ANKS1B: variants seen among roughly 807,000 people sequenced by gnomAD.
ANKS1B encodes the protein ankyrin repeat and sterile alpha motif domain-containing protein 1B.
ANKS1B carries 36 observed loss-of-function variants against 148.3 expected under a neutral mutation model. The ratio of observed to expected loss-of-function variants is 0.24; its 90% CI spans 0.19 to 0.32. ANKS1B has a LOEUF of 0.32. Among genes scored for constraint, ANKS1B ranks in the 10% least tolerant of loss-of-function variants. ANKS1B has a pLI of 1.00. For missense variants in ANKS1B, 1,157 were observed against 1,542.6 expected (o/e 0.75, Z 4.19); for synonymous variants, 542 against 560.8 (o/e 0.97, Z 0.47).
chr12:98,737,024 C>G (rs932351415), intron 9 of ANKS1B, among the ~76,000 whole-genome samples: 1 of 152,170 alleles, frequency 6.6e-6, no homozygotes, highest in Non-Finnish European at 1.5e-5. Context: ...ATCCGTTCCT[C>G]CCTCCAGATT....
intron 12 of ANKS1B, among the ~76,000 whole-genome samples, chr12:99,252,636 C>G (rs2074753980): frequency 6.6e-6 from 1 of 152,112 alleles, no homozygotes; most frequent in Non-Finnish European, 1.5e-5. Flanking sequence ...TTCAATGGCA[C>G]CTACAAGCCA....
chr12:99,526,156 A>T (rs961298856), intron 9 of ANKS1B, among the ~76,000 whole-genome samples: 22 of 152,198 alleles, frequency 1.4e-4, no homozygotes, highest in African/African-American at 5.3e-4. Context: ...AGTGTTAGTG[A>T]GGGTTTGAAA....
chr12:99,354,529 A>C (rs1269503902), intron 12 of ANKS1B, among the ~76,000 whole-genome samples: 4 of 152,096 alleles, frequency 2.6e-5, no homozygotes, highest in Admixed American at 6.6e-5. Flanking sequence ...CACATATAAC[A>C]GACACTCACT....
At chr12:99,245,761 T>C (rs1426906233) in intron 13 of ANKS1B, among the ~76,000 whole-genome samples, 1 of 152,222 alleles carries the variant, frequency 6.6e-6, no homozygotes, top group Non-Finnish European at 1.5e-5. Flanking sequence ...TTTTCTTTAT[T>C]TCCCTGATAG....
intron 1 of ANKS1B, among the ~76,000 whole-genome samples, chr12:99,903,807 G>C (rs1056323882): frequency 4.6e-5 from 7 of 151,530 alleles, no homozygotes; most frequent in African/African-American, 1.5e-4. Flanking sequence ...TCGGGCGATG[G>C]GTGCACCAAA....
At chr12:99,401,782 C>T (rs1474953068) in intron 11 of ANKS1B, among the ~76,000 whole-genome samples, 2 of 146,604 alleles carry the variant, frequency 1.4e-5, no homozygotes, top group African/African-American at 5.2e-5. Context: ...GCTTCAGTAT[C>T]ACATAGCAGT....
At chr12:99,595,091 A>C (rs1013526532) in intron 9 of ANKS1B, among the ~76,000 whole-genome samples, 4 of 152,038 alleles carry the variant, frequency 2.6e-5, no homozygotes, top group Admixed American at 2.0e-4. Context: ...AGTTTAACTC[A>C]TCAGTGAAAT....
At chr12:98,789,171 C>T (rs1195715081) in intron 22 of ANKS1B, among the ~76,000 whole-genome samples, 4 of 151,994 alleles carry the variant, frequency 2.6e-5, no homozygotes, top group African/African-American at 4.8e-5. Flanking sequence ...GGTGAAACCC[C>T]GTCTCTACTA....
chr12:99,178,932 C>A (rs2078745927), intron 14 of ANKS1B, among the ~76,000 whole-genome samples: 1 of 151,924 alleles, frequency 6.6e-6, no homozygotes, highest in Non-Finnish European at 1.5e-5. Flanking sequence ...AATGACTAAT[C>A]ATAAAATTGG....
chr12:99,161,621 C>T (rs2076668368), intron 14 of ANKS1B, among the ~76,000 whole-genome samples: 1 of 152,082 alleles, frequency 6.6e-6, no homozygotes, highest in Non-Finnish European at 1.5e-5. Flanking sequence ...GGGAAATAAG[C>T]TAAATGGTAG....
chr12:99,224,634 A>G (rs2085608567), intron 14 of ANKS1B, among the ~76,000 whole-genome samples: 2 of 152,200 alleles, frequency 1.3e-5, no homozygotes, highest in Non-Finnish European at 2.9e-5. Flanking sequence ...TAAAGCCTGG[A>G]GAATCATGAG....
downstream of ANKS1B, among the ~76,000 whole-genome samples, chr12:98,741,134 C>A (rs2153352645): frequency 6.6e-6 from 1 of 152,310 alleles, no homozygotes; most frequent in Admixed American, 6.5e-5. Flanking sequence ...CTGGTCTTTG[C>A]TACTAGTTCT....
intron 22 of ANKS1B, among the ~76,000 whole-genome samples, chr12:98,784,887 T>C (rs947899909): frequency 2.0e-5 from 3 of 152,186 alleles, no homozygotes; most frequent in Non-Finnish European, 4.4e-5. Flanking sequence ...CAGGCCTCTA[T>C]GAATGGCAGT....
intron 17 of ANKS1B, among the ~76,000 whole-genome samples, chr12:98,833,193 C>T (rs1322034277): frequency 6.6e-6 from 1 of 152,156 alleles, no homozygotes; most frequent in Admixed American, 6.5e-5. Flanking sequence ...CCCAACTTCT[C>T]TATCTGGAAG....
intron 14 of ANKS1B, among the ~76,000 whole-genome samples, chr12:99,225,303 T>A (rs2085730656): frequency 6.6e-6 from 1 of 152,052 alleles, no homozygotes; most frequent in Non-Finnish European, 1.5e-5. Context: ...CAATATAATA[T>A]TATATAATAT....
chr12:99,328,896 T>C (rs1170659668), intron 12 of ANKS1B, among the ~76,000 whole-genome samples: 2 of 151,788 alleles, frequency 1.3e-5, no homozygotes, highest in Non-Finnish European at 2.9e-5. Flanking sequence ...GAAAGATATA[T>C]AAAAAGACTG....
intron 12 of ANKS1B, among the ~76,000 whole-genome samples, chr12:99,254,546 G>A (rs2075034071): frequency 1.3e-5 from 2 of 152,174 alleles, no homozygotes; most frequent in Admixed American, 1.3e-4. Context: ...AATGGAGTGA[G>A]GATGTAAATG....
chr12:99,720,604 G>A (rs966797415), intron 8 of ANKS1B, among the ~76,000 whole-genome samples: 2 of 152,112 alleles, frequency 1.3e-5, no homozygotes, highest in Admixed American at 1.3e-4. Context: ...AAAAAGGACT[G>A]GACAATACTT....
chr12:99,495,015 A>G (rs2096590486), intron 10 of ANKS1B, among the ~76,000 whole-genome samples: 1 of 152,164 alleles, frequency 6.6e-6, no homozygotes, highest in Non-Finnish European at 1.5e-5. Flanking sequence ...GCTGAGAGTG[A>G]GAGACAAGGG....
Sources: allele counts gnomAD v4.1 joint callset (sites outside exome capture counted in the v4.1 genomes callset), GRCh38; gene constraint gnomAD v4.1.1; transcripts MANE v1.5; gene names NCBI Gene and HGNC (gene_info 2026-07-23, HGNC 2026-07-21).